Variants in CPA6 observed in about 807,000 individuals in gnomAD.
The protein encoded by CPA6 is carboxypeptidase B.
Under a neutral mutation model 63.3 loss-of-function variants are expected in CPA6, and 58 were observed. The ratio of observed to expected loss-of-function variants is 0.92; its 90% confidence interval spans 0.74 to 1.14. CPA6 has a LOEUF of 1.14. Ranked by LOEUF, CPA6 falls within the 50% of genes most tolerant of loss-of-function variation. CPA6 has a pLI of 0.00. For missense variants in CPA6, 565 were observed against 526.6 expected (o/e 1.07, Z -0.71); for synonymous variants, 185 against 179.0 (o/e 1.03, Z -0.27).
chr8:67,528,502 T>C (rs1346224938), intron 2 of CPA6, among the ~76,000 whole-genome samples: 1 of 152,204 alleles, frequency 6.6e-6, no homozygotes, highest in Non-Finnish European at 1.5e-5. Context: ...TCATTTCCCC[T>C]AGGACTCAGA....
intron 1 of CPA6, among the ~76,000 whole-genome samples, chr8:67,726,367 G>A (rs1817595888): frequency 6.6e-6 from 1 of 152,110 alleles, no homozygotes; most frequent in Non-Finnish European, 1.5e-5. Flanking sequence ...CTTCACAGAG[G>A]CAAGAAAAAA....
chr8:67,604,724 T>C (rs990008581), intron 2 of CPA6, among the ~76,000 whole-genome samples: 9 of 152,176 alleles, frequency 5.9e-5, no homozygotes, highest in Non-Finnish European at 1.0e-4. Flanking sequence ...CTGGGAAACA[T>C]AGGACACGTG....
intron 1 of CPA6, among the ~76,000 whole-genome samples, chr8:67,699,030 G>A (rs1816965696): frequency 1.3e-5 from 2 of 152,214 alleles, no homozygotes; most frequent in Admixed American, 6.5e-5. Flanking sequence ...CTGGAAGAAT[G>A]GCATGGTCTC....
chr8:67,484,613 G>T, intron 7 of CPA6, 66 bp downstream of exon 7: 1 of 841,550 alleles, frequency 1.2e-6, no homozygotes, highest in Non-Finnish European at 1.9e-6. Flanking sequence ...TGTCCTGGAA[G>T]TTTGTGACTC....
intron 2 of CPA6, among the ~76,000 whole-genome samples, chr8:67,617,296 T>C (rs181066339): frequency 2.0e-5 from 3 of 152,350 alleles, no homozygotes; most frequent in Admixed American, 1.3e-4. Context: ...ATTGAGTTTA[T>C]TAATTATCAA....
intron 1 of CPA6, among the ~76,000 whole-genome samples, chr8:67,627,147 C>A (rs1373582276): frequency 2.6e-5 from 4 of 152,300 alleles, no homozygotes; most frequent in Middle Eastern, 3.4e-3. Flanking sequence ...ATGTCATACT[C>A]TTTTGTGAAC....
chr8:67,648,886 C>T (rs1429373581), intron 1 of CPA6, among the ~76,000 whole-genome samples: 1 of 152,060 alleles, frequency 6.6e-6, no homozygotes, highest in Non-Finnish European at 1.5e-5. Context: ...GGAAAACAAA[C>T]CAGGCTCTGT....
At chr8:67,614,702 A>G (rs1430995768) in intron 2 of CPA6, among the ~76,000 whole-genome samples, 2 of 151,970 alleles carry the variant, frequency 1.3e-5, no homozygotes, top group African/African-American at 4.8e-5. Flanking sequence ...TGTGTTTGCA[A>G]CTCCATCCAG....
chr8:67,660,896 T>C (rs1026360081), intron 1 of CPA6, among the ~76,000 whole-genome samples: 1 of 152,192 alleles, frequency 6.6e-6, no homozygotes, highest in African/African-American at 2.4e-5. Flanking sequence ...CATCCCTTGG[T>C]TGTCACAGAA....
chr8:67,738,881 T>G (rs994675237), intron 1 of CPA6, among the ~76,000 whole-genome samples: 54 of 152,172 alleles, frequency 3.5e-4, no homozygotes, highest in African/African-American at 1.2e-3. Context: ...TAATGAAAAC[T>G]CTAAAACAAG....
chr8:67,436,087 C>A (rs527980654), intron 8 of CPA6, among the ~76,000 whole-genome samples: 1 of 152,098 alleles, frequency 6.6e-6, no homozygotes, highest in South Asian at 2.1e-4. Context: ...CCCCCACCAA[C>A]CAGGGGAGCC....
intron 8 of CPA6, among the ~76,000 whole-genome samples, chr8:67,463,472 A>T (rs1810858306): frequency 7.3e-6 from 1 of 136,426 alleles, no homozygotes; most frequent in African/African-American, 3.4e-5. Flanking sequence ...ATAAATAAAT[A>T]AATAGATAAA....
At chr8:67,603,721 A>G (rs565896082) in intron 2 of CPA6, among the ~76,000 whole-genome samples, 1 of 152,318 alleles carries the variant, frequency 6.6e-6, no homozygotes, top group African/African-American at 2.4e-5. Flanking sequence ...GATTTTTCCC[A>G]TCTACCTTCC....
intron 1 of CPA6, among the ~76,000 whole-genome samples, chr8:67,717,981 CT>C (rs1269205218): frequency 6.6e-6 from 1 of 152,128 alleles, no homozygotes; most frequent in Non-Finnish European, 1.5e-5. Flanking sequence ...TGGAAGCAGG[CT>C]TTCGGGAGAT....
At chr8:67,689,803 A>G (rs762509642) in intron 1 of CPA6, among the ~76,000 whole-genome samples, 15 of 152,168 alleles carry the variant, frequency 9.9e-5, no homozygotes, top group Non-Finnish European at 1.5e-4. Context: ...TAATGGGATT[A>G]CTGGGTTGAA....
In CPA6 at chr8:67,635,060, A is replaced by T. The variant is rs188482168; in HGVS notation, c.117-10809T>A. 1.8e-3 allele frequency among the ~76,000 whole-genome samples: 276 copies of T among 151,116 alleles called. 8 individuals are homozygous for T. The highest frequency in any genetic ancestry group is 6.5e-3 in the African/African-American group (265 of 40,638). On this transcript the variant is annotated intron_variant, in intron 1 of 10. Coordinates refer to ENST00000297770, the MANE Select transcript of CPA6 (RefSeq NM_020361.5). ...AACCACTATGCCCTGCTATTTTTTA[A>T]AAAAAATTTTGTAGACAGGGTCTTG...
chr8:67,443,991 G>GTT lies in CPA6; in HGVS notation c.839-9753_839-9752dup, dbSNP rs773274256. Among the ~76,000 whole-genome samples, 371 of 141,988 alleles carry GTT rather than the reference G, an allele frequency of 2.6e-3. 4 individuals are homozygous for GTT. Among genetic ancestry groups the GTT allele is most frequent in the African/African-American group, 3.4e-3 (131 of 38,624 alleles). 93.1% of individuals were successfully genotyped at this position (141,988 alleles called of 152,430 possible). ...GGCTTGGCCAACTTAGACATCCGTA[G>GTT]TTTTTTTTTTTTTTTTCTGAGACGG... On this transcript the variant is annotated intron_variant, in intron 8 of 10. Transcript: ENST00000297770.
chr8:67,674,825 G>A (rs909954989), intron 1 of CPA6, among the ~76,000 whole-genome samples: 5 of 152,100 alleles, frequency 3.3e-5, no homozygotes, highest in Admixed American at 6.6e-5. Context: ...TATACACCAC[G>A]GAATACTACA....
chr8:67,746,348 AAGCAGCAGCAGCAGC>A (rs144013159), exon 1 of CPA6: 29 of 403,946 alleles, frequency 7.2e-5, no homozygotes, highest in South Asian at 3.3e-4. Flanking sequence ...GTCTTGGGAC[AAGCAGCAGCAGCAGC>A]AGCAGCAGCT....
Sources: gnomAD v4.1 joint callset for allele counts (sites outside exome capture counted in the v4.1 genomes callset) on GRCh38, gnomAD v4.1.1 for gene constraint, MANE v1.5 for transcripts, NCBI Gene and HGNC (gene_info 2026-07-23, HGNC 2026-07-21) for gene names.